The following MYO18A variants were observed in gnomAD, a reference collection of about 807,000 sequenced individuals.
The protein encoded by MYO18A is myosin XVIIIA.
A neutral mutation model predicts 235.8 loss-of-function variants in MYO18A; 78 were observed. The observed-to-expected ratio is 0.33, with a 90% CI of 0.28 to 0.40. MYO18A has a LOEUF of 0.40. Ranked by LOEUF, MYO18A falls within the 10% of genes least tolerant of loss-of-function variation. The pLI is 1.00. For synonymous variants in MYO18A, 977 were observed against 1,077.8 expected (o/e 0.91, Z 1.83); for missense variants, 2,215 against 2,699.3 (o/e 0.82, Z 3.98).
chr17:29,128,160 CCTT>C (rs2067370444), intron 2 of MYO18A: 5 of 1,118,558 alleles, frequency 4.5e-6, no homozygotes, highest in South Asian at 1.9e-5. Context: ...TTGGCTGCCT[CCTT>C]CTTCACTTCA....
chr17:29,148,831 A>C (rs976265858), intron 2 of MYO18A, among the ~76,000 whole-genome samples: 8 of 152,178 alleles, frequency 5.3e-5, no homozygotes, highest in African/African-American at 1.9e-4. Flanking sequence ...GCGCATGCCC[A>C]GGGCCACCCC....
At chr17:29,168,521 A>G (rs1376282989) in intron 1 of MYO18A, among the ~76,000 whole-genome samples, 3 of 151,766 alleles carry the variant, frequency 2.0e-5, no homozygotes, top group African/African-American at 7.2e-5. Flanking sequence ...CAGAGGATCT[A>G]CAAGCTTATC....
At chr17:29,087,243 G>A in intron 37 of MYO18A, 122 bp from the exon 38 acceptor site, 1 of 1,015,768 alleles carries the variant, frequency 9.8e-7, no homozygotes, top group Non-Finnish European at 1.4e-6. Flanking sequence ...CCGTTCATTG[G>A]CTACCTGGGC....
At position 29,140,946 on chromosome 17, in the gene MYO18A, C is replaced by T. The variant is rs927204618; in HGVS notation, c.1000-18693G>A. On this transcript the variant is annotated intron_variant, in intron 2 of 41. Coordinates refer to ENST00000527372, the MANE Select transcript of MYO18A (RefSeq NM_078471.4). This position sits in a 1 kb window ranked among gnomAD's most constrained non-coding sequence, Gnocchi z 4.2. The stretch of plus-strand genomic sequence containing the variant: ...CACTAACGTCACATCCAAGACAGCA[C>T]ACGGGGCCCACTGCACACTGTGCCC... 2.0e-5 allele frequency among the ~76,000 whole-genome samples: 3 copies of T among 152,244 alleles called. No homozygotes were observed. The highest frequency in any genetic ancestry group is 2.9e-5 in the Non-Finnish European group (2 of 68,046).
At chr17:29,179,930 G>A (rs2068611482) in intron 1 of MYO18A, among the ~76,000 whole-genome samples, 1 of 152,132 alleles carries the variant, frequency 6.6e-6, no homozygotes, top group South Asian at 2.1e-4. Context: ...CTGGACGGGG[G>A]CAGGAGAAGT....
At position 29,073,727 on chromosome 17, in the gene MYO18A, C is replaced by T. The variant is rs987186836; in HGVS notation, c.*1043G>A. On this transcript the variant is annotated 3_prime_UTR_variant, in exon 42 of 42. Coordinates refer to ENST00000527372, the MANE Select transcript of MYO18A (RefSeq NM_078471.4). Reference sequence around the variant, plus strand: ...ACCTCCAGACCACATGGTGTTGTGTCTGGGATAAGTGTGTGGGGGCAGGGA... The same window carrying T: ...ACCTCCAGACCACATGGTGTTGTGTTTGGGATAAGTGTGTGGGGGCAGGGA... The T allele has an allele frequency of 7.1e-6, 7 of 988,678 alleles. No homozygotes were observed. The highest frequency in any genetic ancestry group is 1.1e-5 in the Non-Finnish European group (7 of 665,720). The allele number at this position is 988,678 out of a possible 1,614,324, so 61.2% of individuals were successfully genotyped here.
At position 29,118,233 on chromosome 17, in the gene MYO18A, C is replaced by A. The variant is rs1431612030; in HGVS notation, c.1894-44G>T. 3 of 1,579,426 alleles carry A rather than the reference C, an allele frequency of 1.9e-6. No homozygotes were observed. Among genetic ancestry groups the A allele is most frequent in the South Asian group, 1.2e-5 (1 of 86,866 alleles). On this transcript the variant is annotated intron_variant, in intron 9 of 41. Transcript: ENST00000527372. This position sits in a 1 kb window ranked among gnomAD's most constrained non-coding sequence, Gnocchi z 4.2. ...TCAAAGGGCTGTCCCTCCCAGCACA[C>A]CCCCATGAGGCTGGGCCCTCAGGGC...
chr17:29,178,044 G>C (rs1032405134), intron 1 of MYO18A, among the ~76,000 whole-genome samples: 1 of 152,010 alleles, frequency 6.6e-6, no homozygotes, highest in East Asian at 1.9e-4. Flanking sequence ...CCACCTTTAG[G>C]TACCTGCCTC....
chr17:29,161,440 T>A (rs2068171055), intron 2 of MYO18A, among the ~76,000 whole-genome samples: 1 of 146,550 alleles, frequency 6.8e-6, no homozygotes, highest in Non-Finnish European at 1.5e-5. Context: ...GGTGGGAGGA[T>A]CGCTTGAGCA....
At position 29,093,974 on chromosome 17, in the gene MYO18A, C is replaced by A; in HGVS notation, c.4821+6G>T. 6.3e-7 allele frequency: 1 copy of A among 1,591,460 alleles called. No individual in the cohort carries two copies. The highest frequency in any genetic ancestry group is 8.6e-7 in the Non-Finnish European group (1 of 1,165,286). Reference sequence around the variant, plus strand: ...CGCTGGACAGGTAAGTACTCAGATACCTTACCTTCTTCTGACACGACTGCC... The same window carrying A: ...CGCTGGACAGGTAAGTACTCAGATAACTTACCTTCTTCTGACACGACTGCC... On this transcript the variant is annotated splice_donor_region_variant and intron_variant, in intron 31 of 41. Coordinates refer to ENST00000527372, the MANE Select transcript of MYO18A (RefSeq NM_078471.4).
rs1598273938 is a variant in MYO18A, at chr17:29,085,474, C to T, written c.5897+130G>A. The stretch of plus-strand genomic sequence containing the variant: ...AGAGTCAGCATGTTAGCGTTAGAGA[C>T]CAGTGAGGCGGGAGTGTGGGGAGGC... On this transcript the variant is annotated intron_variant, in intron 40 of 41. Coordinates refer to ENST00000527372, the MANE Select transcript of MYO18A (RefSeq NM_078471.4). 3.8e-6 allele frequency: 3 copies of T among 779,630 alleles called. No individual in the cohort carries two copies. In the East Asian group the frequency reaches 8.0e-5, roughly 21 times the overall value. 48.3% of individuals were successfully genotyped at this position (779,630 alleles called of 1,614,324 possible).
chr17:29,160,110 A>G (rs1598390908), intron 2 of MYO18A, among the ~76,000 whole-genome samples: 1 of 152,228 alleles, frequency 6.6e-6, no homozygotes, highest in Non-Finnish European at 1.5e-5. Flanking sequence ...CAGGGAAGGG[A>G]AGGGTACTAA....
intron 2 of MYO18A, among the ~76,000 whole-genome samples, chr17:29,142,957 G>A (rs973072606): frequency 6.6e-6 from 1 of 152,038 alleles, no homozygotes; most frequent in Non-Finnish European, 1.5e-5. Context: ...ACAGGCAGGC[G>A]CCACCACGCC....
At chr17:29,156,972 A>G (rs560623944) in intron 2 of MYO18A, among the ~76,000 whole-genome samples, 1 of 152,366 alleles carries the variant, frequency 6.6e-6, no homozygotes, top group East Asian at 1.9e-4. Flanking sequence ...GTTTTTCCAC[A>G]ACACACAGAG....
intron 2 of MYO18A, among the ~76,000 whole-genome samples, chr17:29,150,400 C>T (rs1310426393): frequency 6.6e-6 from 1 of 152,242 alleles, no homozygotes; most frequent in African/African-American, 2.4e-5. Context: ...GGAAAGGAAG[C>T]GCTGCCCCAG....
chr17:29,151,186 A>G (rs2067957932), intron 2 of MYO18A, among the ~76,000 whole-genome samples: 2 of 152,178 alleles, frequency 1.3e-5, no homozygotes, highest in South Asian at 4.1e-4. Context: ...GTGAACTGTG[A>G]TGGTGCCACT....
intron 2 of MYO18A, among the ~76,000 whole-genome samples, chr17:29,147,889 CAAAAAAAAA>C (rs11389237): frequency 4.2e-4 from 37 of 87,102 alleles, no homozygotes; most frequent in African/African-American, 1.5e-3. Flanking sequence ...GCCTGGGTGA[CAAAAAAAAA>C]AAAAAAAAAA....
In MYO18A at chr17:29,142,893, C is replaced by T. The variant is rs551088848; in HGVS notation, c.1000-20640G>A. ...CTCCATCTCGGCTCACTGCAACCTC[C>T]GCCTCCCAGGTTCAAGCGATTCTTG... On this transcript the variant is annotated intron_variant, in intron 2 of 41. Transcript: ENST00000527372. Among the ~76,000 whole-genome samples the T allele has an allele frequency of 5.9e-5, 9 of 152,358 alleles. No individual in the cohort carries two copies. The East Asian group carries it at 1.3e-3, about 23-fold the overall frequency.
intron 2 of MYO18A, among the ~76,000 whole-genome samples, chr17:29,134,357 A>G (rs956714476): frequency 6.6e-6 from 1 of 152,166 alleles, no homozygotes; most frequent in Non-Finnish European, 1.5e-5. Context: ...TGCTGGGATT[A>G]CAGGTGTGAG....
Sources: allele counts gnomAD v4.1 joint callset (sites outside exome capture counted in the v4.1 genomes callset), GRCh38; gene constraint gnomAD v4.1.1; non-coding constraint Gnocchi (gnomAD v3.1); transcripts MANE v1.5; gene names NCBI Gene and HGNC (gene_info 2026-07-23, HGNC 2026-07-21).